KCNT2: variants seen among roughly 807,000 people sequenced by gnomAD.
The protein encoded by KCNT2 is potassium channel subfamily T member 2.
Under a neutral mutation model 153.8 loss-of-function variants are expected in KCNT2, and 67 were observed. That is an observed-to-expected ratio of 0.44 (90% CI 0.36 to 0.53). The LOEUF (loss-of-function observed/expected upper bound fraction) is 0.53, where lower values mean the gene tolerates loss of function less well. KCNT2 is among the 20% of genes least tolerant of loss of function. KCNT2 has a pLI of 0.00. For missense variants in KCNT2, 975 were observed against 1,354.8 expected, an observed-to-expected ratio of 0.72 and a Z score of 4.40; for synonymous variants, 500 against 458.8, an observed-to-expected ratio of 1.09 and a Z score of -1.15.
chr1:196,269,394 A>G (rs533894436), intron 25 of KCNT2, among the ~76,000 whole-genome samples: 11 of 152,176 alleles, frequency 7.2e-5, no homozygotes, highest in African/African-American at 2.6e-4. Context: ...TGTAAAACCT[A>G]CACACTACAA....
At chr1:196,435,964 C>G (rs959038798) in intron 8 of KCNT2, among the ~76,000 whole-genome samples, 3 of 151,640 alleles carry the variant, frequency 2.0e-5, no homozygotes, top group African/African-American at 7.2e-5. Flanking sequence ...AATGTTCACA[C>G]TGTTTAAGAA....
At position 196,429,748 on chromosome 1, in the gene KCNT2, C is replaced by G; in HGVS notation, c.648G>C (p.Gly216=). Reference sequence around the variant, plus strand: ...TTCCTATTCGTTCCAGATGTTGGATCCCACAAATGCTAAAGAAACAAATAT... The same window carrying G: ...TTCCTATTCGTTCCAGATGTTGGATGCCACAAATGCTAAAGAAACAAATAT... The part of the protein sequence containing the change: ...LLCLIFTCIC[G]IQHLERIGKK... Residue 216 remains glycine (G), a synonymous_variant, in exon 9 of 28, where the codon GGG becomes GGC. Coordinates refer to ENST00000294725, the MANE Select transcript of KCNT2 (RefSeq NM_198503.5). The G allele has an allele frequency of 6.3e-7, 1 of 1,592,272 alleles. No homozygotes were observed. Among genetic ancestry groups the G allele is most frequent in the Non-Finnish European group, 8.5e-7 (1 of 1,170,874 alleles).
intron 1 of KCNT2, among the ~76,000 whole-genome samples, chr1:196,570,082 AAAAAAAAAAAAAAAAAT>A (rs1558089892): frequency 1.7e-4 from 2 of 11,842 alleles, no homozygotes; most frequent in South Asian, 0.053. Context: ...AAAAAAAAAA[AAAAAAAAAAAAAAAAAT>A]TAAAGGCCTT....
At chr1:196,362,606 T>C (rs1262302631) in intron 14 of KCNT2, among the ~76,000 whole-genome samples, 2 of 152,144 alleles carry the variant, frequency 1.3e-5, no homozygotes, top group Non-Finnish European at 2.9e-5. Context: ...AAATACATAC[T>C]TTCATAAAGG....
chr1:196,273,513 A>T, intron 25 of KCNT2: 1 of 1,513,638 alleles, frequency 6.6e-7, no homozygotes, highest in Non-Finnish European at 8.9e-7. Flanking sequence ...GGGAAAAAGA[A>T]ACACACAAAA....
chr1:196,387,829 A>G (rs777125258), intron 13 of KCNT2, among the ~76,000 whole-genome samples: 1 of 151,472 alleles, frequency 6.6e-6, no homozygotes, highest in East Asian at 1.9e-4. Flanking sequence ...TTAATCAGAT[A>G]TATTCATTGT....
At chr1:196,310,936 C>T (rs1662116581) in intron 21 of KCNT2, among the ~76,000 whole-genome samples, 1 of 151,812 alleles carries the variant, frequency 6.6e-6, no homozygotes, top group Non-Finnish European at 1.5e-5. Context: ...CACCAGTCTT[C>T]CTCTTGCTCT....
intron 12 of KCNT2, among the ~76,000 whole-genome samples, chr1:196,406,481 C>T (rs1008565116): frequency 2.7e-5 from 4 of 150,880 alleles, no homozygotes; most frequent in African/African-American, 9.7e-5. Context: ...AGCTGGCTAT[C>T]AGAAAGTAGA....
At chr1:196,517,608 A>G (rs1190754036) in intron 1 of KCNT2, among the ~76,000 whole-genome samples, 1 of 152,214 alleles carries the variant, frequency 6.6e-6, no homozygotes, top group Admixed American at 6.5e-5. Context: ...AACACACTAC[A>G]AGAAATTCAC....
chr1:196,604,993 T>C (rs1195391746), intron 1 of KCNT2, among the ~76,000 whole-genome samples: 1 of 152,202 alleles, frequency 6.6e-6, no homozygotes, highest in Non-Finnish European at 1.5e-5. Flanking sequence ...CTACACCTAA[T>C]AGGCCCATCA....
intron 5 of KCNT2, among the ~76,000 whole-genome samples, chr1:196,475,667 G>C (rs1678471089): frequency 6.6e-6 from 1 of 151,784 alleles, no homozygotes; most frequent in African/African-American, 2.4e-5. Flanking sequence ...TACCAAACAT[G>C]CTTTATTTAG....
At chr1:196,585,021 G>A (rs1199562549) in intron 1 of KCNT2, among the ~76,000 whole-genome samples, 1 of 152,020 alleles carries the variant, frequency 6.6e-6, no homozygotes, top group Admixed American at 6.6e-5. Flanking sequence ...ACCATTCACA[G>A]GCAGAAGAGG....
chr1:196,510,246 G>T (rs1305923548), intron 1 of KCNT2, among the ~76,000 whole-genome samples: 1 of 152,030 alleles, frequency 6.6e-6, no homozygotes, highest in South Asian at 2.1e-4. Context: ...AATAAATAGT[G>T]ACAATAACTT....
At chr1:196,552,172 T>A (rs980666737) in intron 1 of KCNT2, among the ~76,000 whole-genome samples, 3 of 151,388 alleles carry the variant, frequency 2.0e-5, no homozygotes, top group Non-Finnish European at 4.4e-5. Flanking sequence ...AAAAAGTAAA[T>A]ATTTTATGCC....
chr1:196,525,631 G>C (rs778417304), intron 1 of KCNT2, among the ~76,000 whole-genome samples: 1 of 152,162 alleles, frequency 6.6e-6, no homozygotes, highest in Non-Finnish European at 1.5e-5. Context: ...GAAAAGATGG[G>C]AAGGTAGCTA....
chr1:196,351,333 T>C (rs1192869474), intron 14 of KCNT2, among the ~76,000 whole-genome samples: 2 of 152,232 alleles, frequency 1.3e-5, no homozygotes, highest in African/African-American at 4.8e-5. Context: ...TTCCTACCCA[T>C]GAGCATGGAA....
At chr1:196,470,359 A>G (rs1677984187) in intron 5 of KCNT2, among the ~76,000 whole-genome samples, 1 of 152,198 alleles carries the variant, frequency 6.6e-6, no homozygotes, top group Non-Finnish European at 1.5e-5. Flanking sequence ...AATCCCTCCT[A>G]TTTTAAGGCA....
chr1:196,238,589 C>T (rs956612462), intron 26 of KCNT2, among the ~76,000 whole-genome samples: 4 of 152,022 alleles, frequency 2.6e-5, no homozygotes, highest in African/African-American at 9.6e-5. Context: ...AAGCTATTCT[C>T]TTTTTCTTTC....
chr1:196,508,761 G>T (rs896419587), intron 1 of KCNT2, among the ~76,000 whole-genome samples: 1 of 152,070 alleles, frequency 6.6e-6, no homozygotes, highest in African/African-American at 2.4e-5. Context: ...CCATTTAATT[G>T]GAAAAATCAA....
Sources: allele counts gnomAD v4.1 joint callset (sites outside exome capture counted in the v4.1 genomes callset), GRCh38; gene constraint gnomAD v4.1.1; transcripts MANE v1.5; gene names NCBI Gene and HGNC (gene_info 2026-07-23, HGNC 2026-07-21).